The following SLC1A3 variants were observed in gnomAD, a reference collection of about 807,000 sequenced individuals.
SLC1A3 encodes excitatory amino acid transporter 1.
In SLC1A3, 21 loss-of-function variants were observed where a neutral mutation model predicts 48.1. That is an observed-to-expected ratio of 0.44 (90% CI 0.31 to 0.63). The LOEUF (loss-of-function observed/expected upper bound fraction) is 0.63, where lower values mean the gene tolerates loss of function less well. Ranked by LOEUF, SLC1A3 falls within the 20% of genes least tolerant of loss-of-function variation. The pLI, the probability that SLC1A3 is intolerant of heterozygous loss-of-function variation, is 0.08. For synonymous variants in SLC1A3, 239 were observed against 251.4 expected (o/e 0.95, Z 0.47); for missense variants, 546 against 689.0 (o/e 0.79, Z 2.32).
At position 36,612,792 on chromosome 5, in the gene SLC1A3, T is replaced by C. The variant is rs956277358; in HGVS notation, c.181+4188T>C. 3.1e-5 allele frequency: 14 copies of C among 456,066 alleles called. 1 individual carries two copies. Among genetic ancestry groups the C allele is most frequent in the South Asian group, 1.9e-4 (12 of 64,568 alleles). The allele number at this position is 456,066 out of a possible 1,614,324, so 28.3% of individuals were successfully genotyped here. A position where few individuals can be genotyped will look rare whatever the true frequency, so the allele number is the denominator to read the frequency against. On this transcript the variant is annotated intron_variant, in intron 2 of 9. Transcript: ENST00000265113. ...TCCTTACCACACAGCTGATGAATAC[T>C]GAGTGGGATTCAAATCCACCATTCC...
Position 36,680,646 on chromosome 5 carries a change from G to A in SLC1A3, c.1289+57G>A, listed in dbSNP as rs918177606. The A allele has an allele frequency of 1.4e-5, 21 of 1,453,194 alleles. No individual in the cohort carries two copies. In the East Asian group the frequency reaches 4.8e-4, roughly 33 times the overall value. 90.0% of individuals were successfully genotyped at this position (1,453,194 alleles called of 1,614,324 possible). A position where few individuals can be genotyped will look rare whatever the true frequency, so the allele number is the denominator to read the frequency against. Reference sequence around the variant, plus strand: ...TAAGAATGCCTTTAAGGCTGGGCGTGGTGGCTCACGCCTGTAATCCTAACA... The same window carrying A: ...TAAGAATGCCTTTAAGGCTGGGCGTAGTGGCTCACGCCTGTAATCCTAACA... On this transcript the variant is annotated intron_variant, in intron 8 of 9. Coordinates refer to ENST00000265113, the MANE Select transcript of SLC1A3 (RefSeq NM_004172.5).
At chr5:36,685,723 T>A (rs1742617318) in intron 9 of SLC1A3, among the ~76,000 whole-genome samples, 1 of 152,242 alleles carries the variant, frequency 6.6e-6, no homozygotes. Flanking sequence ...CATCATGTAG[T>A]CTTTGCAAAA....
upstream of SLC1A3, among the ~76,000 whole-genome samples, chr5:36,601,830 C>T (rs776660996): frequency 6.6e-6 from 1 of 151,138 alleles, no homozygotes; most frequent in South Asian, 2.1e-4. Context: ...TTACTGACTT[C>T]CTTTCTCCAA....
intron 1 of SLC1A3, among the ~76,000 whole-genome samples, chr5:36,608,025 G>A (rs147088440): frequency 6.6e-6 from 1 of 152,278 alleles, no homozygotes; most frequent in East Asian, 1.9e-4. Context: ...TGGGTTCTGC[G>A]GGGGAGGGTG....
intron 1 of SLC1A3, among the ~76,000 whole-genome samples, chr5:36,597,857 T>TC (rs1561229189): frequency 6.6e-6 from 1 of 152,082 alleles, no homozygotes; most frequent in Non-Finnish European, 1.5e-5. Context: ...CCCTCCCTTT[T>TC]CCCCCACAAC....
intron 3 of SLC1A3, among the ~76,000 whole-genome samples, chr5:36,631,434 T>A (rs1174078968): frequency 1.3e-5 from 2 of 152,064 alleles, no homozygotes; most frequent in Non-Finnish European, 2.9e-5. Context: ...GAAAAAAAAA[T>A]ACTATGATGC....
In SLC1A3 at chr5:36,635,173, GAA is replaced by G. The variant is rs545440959; in HGVS notation, c.319+5599_319+5600del. On this transcript the variant is annotated intron_variant, in intron 3 of 9. Transcript: ENST00000265113. ...TCAACACCTACCCGTACGTTGTATT[GAA>G]AAAAAAAAAAAACAGTATCTAACGC... Among the ~76,000 whole-genome samples the G allele has an allele frequency of 3.2e-3, 419 of 132,386 alleles. 4 individuals carry two copies. The highest frequency in any genetic ancestry group is 9.9e-3 in the African/African-American group (362 of 36,400). The allele number at this position is 132,386 out of a possible 152,430, so 86.9% of individuals were successfully genotyped here. A position where few individuals can be genotyped will look rare whatever the true frequency, so the allele number is the denominator to read the frequency against.
Position 36,608,428 on chromosome 5 carries a change from C to T in SLC1A3, c.5C>T (p.Thr2Ile), listed in dbSNP as rs763532936. 6 of 1,613,908 alleles carry T rather than the reference C, an allele frequency of 3.7e-6. No individual in the cohort carries two copies. Among genetic ancestry groups the T allele is most frequent in the Non-Finnish European group, 5.1e-6 (6 of 1,179,872 alleles). Residue 2 changes from threonine (T) to isoleucine (I), a missense_variant, in exon 2 of 10, where the codon ACT becomes ATT. Around this residue, in one of 3 missense-constraint regions of SLC1A3, gnomAD observed 348 missense variants for 392.0 expected, o/e 0.89. Transcript: ENST00000265113. Reference sequence around the variant, plus strand: ...ACCCTCCTAGAAAAGTAAAATATGACTAAAAGCAATGGAGAAGAGCCCAAG... The same window carrying T: ...ACCCTCCTAGAAAAGTAAAATATGATTAAAAGCAATGGAGAAGAGCCCAAG... Reference protein sequence around the residue: MTKSNGEEPKMG... With the variant: MIKSNGEEPKMG...
chr5:36,658,517 A>G (rs189279051), intron 3 of SLC1A3, among the ~76,000 whole-genome samples: 9 of 152,338 alleles, frequency 5.9e-5, no homozygotes, highest in East Asian at 3.9e-4. Flanking sequence ...TGGTAAACGT[A>G]TCTCAGACTT....
At chr5:36,622,627 G>C (rs1739721447) in intron 2 of SLC1A3, among the ~76,000 whole-genome samples, 1 of 152,162 alleles carries the variant, frequency 6.6e-6, no homozygotes, top group South Asian at 2.1e-4. Flanking sequence ...TGGCCTTAAA[G>C]AGTAAACCTA....
intron 3 of SLC1A3, among the ~76,000 whole-genome samples, chr5:36,653,684 T>G (rs1254194716): frequency 2.0e-5 from 3 of 152,236 alleles, no homozygotes; most frequent in Non-Finnish European, 4.4e-5. Flanking sequence ...TGCACTGTTC[T>G]GTCTCATGGA....
intron 3 of SLC1A3, among the ~76,000 whole-genome samples, chr5:36,655,432 T>C (rs2111864159): frequency 6.6e-6 from 1 of 152,354 alleles, no homozygotes; most frequent in African/African-American, 2.4e-5. Context: ...CCGTTTCTGC[T>C]GACTGGCTGC....
intron 3 of SLC1A3, among the ~76,000 whole-genome samples, chr5:36,665,401 C>T (rs374938396): frequency 6.6e-6 from 1 of 152,166 alleles, no homozygotes; most frequent in East Asian, 1.9e-4. Flanking sequence ...ATTCTGGTAG[C>T]AGGAGACACA....
chr5:36,629,945 A>G, intron 3 of SLC1A3: 1 of 337,294 alleles, frequency 3.0e-6, no homozygotes, highest in Non-Finnish European at 5.7e-6. Flanking sequence ...CCACCCAGAT[A>G]ACATCTGGTT....
At chr5:36,663,102 A>G (rs1332437483) in intron 3 of SLC1A3, among the ~76,000 whole-genome samples, 2 of 152,152 alleles carry the variant, frequency 1.3e-5, no homozygotes, top group Admixed American at 6.5e-5. Flanking sequence ...GATTTAGTTG[A>G]CTTTTTCTGC....
chr5:36,604,710 A>G (rs1258846161), upstream of SLC1A3, among the ~76,000 whole-genome samples: 1 of 152,198 alleles, frequency 6.6e-6, no homozygotes, highest in Non-Finnish European at 1.5e-5. Flanking sequence ...AAAGTGAAAA[A>G]GAAAGGGCAC....
At chr5:36,648,809 C>G (rs1215543915) in intron 3 of SLC1A3, among the ~76,000 whole-genome samples, 2 of 152,126 alleles carry the variant, frequency 1.3e-5, no homozygotes, top group African/African-American at 4.8e-5. Context: ...ATTTTGATCT[C>G]TCATGATCCT....
At chr5:36,629,153 A>G (rs1740026728) in intron 2 of SLC1A3, among the ~76,000 whole-genome samples, 2 of 152,142 alleles carry the variant, frequency 1.3e-5, no homozygotes, top group South Asian at 2.1e-4. Context: ...GTAACTCTGT[A>G]TTGAGCCAGG....
At chr5:36,679,582 T>C in intron 6 of SLC1A3, 45 bp from the exon 7 acceptor site, 1 of 1,368,148 alleles carries the variant, frequency 7.3e-7, no homozygotes, top group African/African-American at 1.4e-5. Flanking sequence ...TGGACTAGCT[T>C]GGTGGAAACC....
Sources: gnomAD v4.1 joint callset for allele counts (sites outside exome capture counted in the v4.1 genomes callset) on GRCh38, gnomAD v4.1.1 for gene constraint, gnomAD v4.1.1 regional missense constraint, MANE v1.5 for transcripts, NCBI Gene and HGNC (gene_info 2026-07-23, HGNC 2026-07-21) for gene names.